The following CLINT1 variants were observed in gnomAD, a reference collection of about 807,000 sequenced individuals.
The protein encoded by CLINT1 is clathrin interacting protein localized in the trans-Golgi region.
CLINT1 carries 15 observed loss-of-function variants against 70.4 expected under a neutral mutation model. That is an observed-to-expected ratio of 0.21 (90% CI 0.14 to 0.33). The LOEUF (loss-of-function observed/expected upper bound fraction) is 0.33, where lower values mean the gene tolerates loss of function less well. Ranked by LOEUF, CLINT1 falls within the 10% of genes least tolerant of loss-of-function variation. The probability of loss-of-function intolerance (pLI) is 1.00; values close to 1 mark genes in which losing one functional copy is unlikely to be tolerated. For synonymous variants in CLINT1, 227 were observed against 254.7 expected (o/e 0.89, Z 1.04); for missense variants, 615 against 778.1 (o/e 0.79, Z 2.49).
chr5:157,822,538 A>C (rs1762908343), intron 1 of CLINT1, among the ~76,000 whole-genome samples: 1 of 152,202 alleles, frequency 6.6e-6, no homozygotes, highest in South Asian at 2.1e-4. Context: ...AAAATGGACT[A>C]ACACATGCTT....
intron 1 of CLINT1, among the ~76,000 whole-genome samples, chr5:157,836,749 A>G (rs1763438021): frequency 6.6e-6 from 1 of 151,960 alleles, no homozygotes; most frequent in African/African-American, 2.4e-5. Flanking sequence ...ACTTTCTTTC[A>G]CTTTCTTCAC....
At chr5:157,788,861 G>C (rs944692849) in intron 11 of CLINT1, among the ~76,000 whole-genome samples, 3 of 151,604 alleles carry the variant, frequency 2.0e-5, no homozygotes, top group African/African-American at 7.3e-5. Context: ...CCAGCTACTC[G>C]GAAGGCTGAG....
chr5:157,815,547 G>A (rs183631066), intron 3 of CLINT1, among the ~76,000 whole-genome samples: 2 of 152,052 alleles, frequency 1.3e-5, no homozygotes, highest in African/African-American at 2.4e-5. Context: ...CGGAAAGGAG[G>A]GGGTGGCAAA....
In CLINT1 at chr5:157,785,784, A is replaced by AT. The variant is rs1467757111; in HGVS notation, c.*1861dup. 2 of 152,310 alleles carry AT rather than the reference A, an allele frequency of 1.3e-5. No individual in the cohort carries two copies. The highest frequency in any genetic ancestry group is 3.9e-4 in the East Asian group (2 of 5,190). The allele number at this position is 152,310 out of a possible 1,614,324, so 9.4% of individuals were successfully genotyped here. ...TTTACTTCGTCTAAGAACCATACAT[A>AT]TTTGAGAAAGTGAAGATATACTTCT... On this transcript the variant is annotated 3_prime_UTR_variant, in exon 12 of 12. Transcript: ENST00000411809.
intron 1 of CLINT1, among the ~76,000 whole-genome samples, chr5:157,848,136 G>A (rs190590281): frequency 1.3e-5 from 2 of 151,538 alleles, no homozygotes; most frequent in African/African-American, 2.4e-5. Context: ...ATGGAGTCTC[G>A]CTCTGTCGCC....
chr5:157,857,445 T>G (rs1232109540), intron 1 of CLINT1, among the ~76,000 whole-genome samples: 5 of 152,190 alleles, frequency 3.3e-5, no homozygotes, highest in Non-Finnish European at 7.3e-5. Context: ...CCAAATGAGT[T>G]GTTATAAAGG....
At chr5:157,788,023 A>G in intron 11 of CLINT1, 31 bp from the exon 12 acceptor site, 1 of 1,527,086 alleles carries the variant, frequency 6.5e-7, no homozygotes, top group Non-Finnish European at 8.9e-7. Flanking sequence ...GAAGAACTTT[A>G]CCACAATAAA....
At chr5:157,835,420 G>C (rs1428319219) in intron 1 of CLINT1, among the ~76,000 whole-genome samples, 1 of 152,080 alleles carries the variant, frequency 6.6e-6, no homozygotes, top group East Asian at 1.9e-4. Flanking sequence ...GTCACCAGAG[G>C]CTCAAAGGAA....
chr5:157,797,539 C>T (rs1463958731), intron 8 of CLINT1, among the ~76,000 whole-genome samples: 1 of 152,124 alleles, frequency 6.6e-6, no homozygotes, highest in Non-Finnish European at 1.5e-5. Context: ...GTGTCTGCCA[C>T]CACGCCCAAC....
rs1256856302 is a variant in CLINT1, at chr5:157,787,556, G to T, written c.*90C>A. The T allele has an allele frequency of 2.2e-5, 23 of 1,030,810 alleles. No individual in the cohort carries two copies. The highest frequency in any genetic ancestry group is 3.3e-5 in the Non-Finnish European group (23 of 691,380). 63.9% of individuals were successfully genotyped at this position (1,030,810 alleles called of 1,614,324 possible). A position where few individuals can be genotyped will look rare whatever the true frequency, so the allele number is the denominator to read the frequency against. On this transcript the variant is annotated 3_prime_UTR_variant, in exon 12 of 12. Coordinates refer to ENST00000411809, the MANE Select transcript of CLINT1 (RefSeq NM_014666.4). ...GATTTATTTTAATTACTTGATAAAA[G>T]AAAGGGTAGTTGATTAGCATTTTCC...
At chr5:157,822,443 C>G (rs538215217) in intron 1 of CLINT1, among the ~76,000 whole-genome samples, 11 of 152,314 alleles carry the variant, frequency 7.2e-5, no homozygotes, top group Admixed American at 7.2e-4. Context: ...CGCCATGATT[C>G]TGGGGCCTCC....
At chr5:157,832,997 CT>C (rs1382830452) in intron 1 of CLINT1, among the ~76,000 whole-genome samples, 1 of 152,164 alleles carries the variant, frequency 6.6e-6, no homozygotes, top group Non-Finnish European at 1.5e-5. Context: ...AATACAAATC[CT>C]TACTAATTGA....
intron 8 of CLINT1, among the ~76,000 whole-genome samples, chr5:157,797,407 G>A (rs1414964546): frequency 6.6e-6 from 1 of 151,936 alleles, no homozygotes; most frequent in Non-Finnish European, 1.5e-5. Flanking sequence ...TTGTTTTTGA[G>A]ACGGAGTTCC....
At chr5:157,858,663 G>A (rs1435390665) in intron 1 of CLINT1, among the ~76,000 whole-genome samples, 1 of 152,216 alleles carries the variant, frequency 6.6e-6, no homozygotes, top group African/African-American at 2.4e-5. Context: ...CGGCACCCAG[G>A]GGTTGGAATA....
At chr5:157,804,884 GC>G (rs1209902275) in intron 7 of CLINT1, among the ~76,000 whole-genome samples, 29 of 151,924 alleles carry the variant, frequency 1.9e-4, no homozygotes, top group African/African-American at 5.8e-4. Flanking sequence ...CCAAGATCGC[GC>G]CATTGCACTC....
rs561862877 is a variant in CLINT1 at position 157,787,134 on chromosome 5, CT to C, written c.*511del. ...ATTTAGCCATAATCACATATGTATG[CT>C]TTTTTTTTTCTTGGACAAAAATATA... On this transcript the variant is annotated 3_prime_UTR_variant, in exon 12 of 12. Coordinates refer to ENST00000411809, the MANE Select transcript of CLINT1 (RefSeq NM_014666.4). 5.5e-3 allele frequency: 836 copies of C among 150,998 alleles called. 9 individuals are homozygous for C. Among genetic ancestry groups the C allele is most frequent in the African/African-American group, 0.018 (725 of 40,634 alleles). 9.4% of individuals were successfully genotyped at this position (150,998 alleles called of 1,614,324 possible).
chr5:157,800,271 T>C (rs547647684), intron 8 of CLINT1, among the ~76,000 whole-genome samples: 3 of 152,314 alleles, frequency 2.0e-5, no homozygotes, highest in Admixed American at 1.3e-4. Flanking sequence ...TCTCAGAGGA[T>C]ATATTTAGCT....
intron 9 of CLINT1, among the ~76,000 whole-genome samples, chr5:157,792,225 A>C (rs771291755): frequency 3.9e-4 from 60 of 151,932 alleles, no homozygotes; most frequent in South Asian, 1.2e-3. Context: ...ATCTCTTGGC[A>C]GCTCTGTAGG....
rs556625256 is a variant in CLINT1 at position 157,793,315 on chromosome 5, T to G, written c.1088-1320A>C. Among the ~76,000 whole-genome samples the G allele has an allele frequency of 6.6e-4, 100 of 152,286 alleles. 1 individual carries two copies. The highest frequency in any genetic ancestry group is 1.2e-3 in the Non-Finnish European group (85 of 68,010). On this transcript the variant is annotated intron_variant, in intron 9 of 11. Coordinates refer to ENST00000411809, the MANE Select transcript of CLINT1 (RefSeq NM_014666.4). ...GCTGGATCAATGTAAACTTTTATGC[T>G]GATTTTCTATTTGCTTGATCTATAA...
Sources: gnomAD v4.1 joint callset for allele counts (sites outside exome capture counted in the v4.1 genomes callset) on GRCh38, gnomAD v4.1.1 for gene constraint, MANE v1.5 for transcripts, NCBI Gene and HGNC (gene_info 2026-07-23, HGNC 2026-07-21) for gene names.